The following HSPA12A variants were observed in gnomAD, a reference collection of about 807,000 sequenced individuals.
HSPA12A encodes the protein heat shock protein family A (Hsp70) member 12A.
HSPA12A carries 28 observed loss-of-function variants against 69.2 expected under a neutral mutation model. The observed-to-expected ratio is 0.40, with a 90% confidence interval of 0.30 to 0.55. HSPA12A has a LOEUF of 0.55. Ranked by LOEUF, HSPA12A falls within the 20% of genes least tolerant of loss-of-function variation. The probability of loss-of-function intolerance (pLI) is 0.38; values close to 1 mark genes in which losing one functional copy is unlikely to be tolerated. For missense variants in HSPA12A, 686 were observed against 900.7 expected (o/e 0.76, Z 3.05); for synonymous variants, 345 against 370.5 (o/e 0.93, Z 0.79).
intron 6 of HSPA12A, among the ~76,000 whole-genome samples, chr10:116,685,717 G>A (rs558380329): frequency 6.6e-6 from 1 of 151,986 alleles, no homozygotes; most frequent in Non-Finnish European, 1.5e-5. Context: ...AGAGAGGGAG[G>A]GTGGCCCACT....
rs189619789 is a variant in HSPA12A at position 116,682,460 on chromosome 10, G to A, written c.836-583C>T. Among the ~76,000 whole-genome samples the A allele has an allele frequency of 5.3e-5, 8 of 150,846 alleles. No individual in the cohort carries two copies. In the South Asian group the frequency reaches 6.3e-4, roughly 12 times the overall value. Reference sequence around the variant, plus strand: ...TGCACCCTGGGTAAATAGACTGGGGGGGGGGGCCATTTCCTGACCCAGCTG... The same window carrying A: ...TGCACCCTGGGTAAATAGACTGGGGAGGGGGGCCATTTCCTGACCCAGCTG... On this transcript the variant is annotated intron_variant, in intron 7 of 11. Coordinates refer to ENST00000369209, the MANE Select transcript of HSPA12A (RefSeq NM_025015.3).
chr10:116,801,524 A>G (rs1322271343), intron 2 of HSPA12A, among the ~76,000 whole-genome samples: 1 of 152,130 alleles, frequency 6.6e-6, no homozygotes, highest in Non-Finnish European at 1.5e-5. Context: ...GCATCTGGTC[A>G]CCTCACACTG....
At chr10:116,745,058 C>G (rs1390387079), upstream of HSPA12A, among the ~76,000 whole-genome samples, 1 of 152,178 alleles carries the variant, frequency 6.6e-6, no homozygotes, top group Non-Finnish European at 1.5e-5. Flanking sequence ...GTCACTCCCC[C>G]GGACACATCC....
At chr10:116,839,850 C>T (rs1030134543) in intron 1 of HSPA12A, among the ~76,000 whole-genome samples, 1 of 151,624 alleles carries the variant, frequency 6.6e-6, no homozygotes, top group African/African-American at 2.4e-5. Flanking sequence ...AGGGTACAGA[C>T]GTGTGTGCAA....
intron 2 of HSPA12A, among the ~76,000 whole-genome samples, chr10:116,804,620 T>C (rs2133173433): frequency 6.6e-6 from 1 of 152,284 alleles, no homozygotes; most frequent in Non-Finnish European, 1.5e-5. Context: ...TCCTGCGTGT[T>C]CCTACGCAAC....
intron 10 of HSPA12A, 84 bp from the exon 11 acceptor site, chr10:116,676,586 A>C (rs1210695159): frequency 5.6e-6 from 6 of 1,072,014 alleles, no homozygotes; most frequent in Non-Finnish European, 8.5e-6. Flanking sequence ...CTGCCCTGGC[A>C]GAACATCTGT....
chr10:116,780,713 A>G (rs2133134766), intron 2 of HSPA12A, among the ~76,000 whole-genome samples: 2 of 152,306 alleles, frequency 1.3e-5, no homozygotes, highest in East Asian at 3.9e-4. Context: ...TCTTCATTAA[A>G]ACATTGAATA....
intron 2 of HSPA12A, among the ~76,000 whole-genome samples, chr10:116,803,034 T>G (rs1637553): frequency 0.82 from 125,587 of 152,256 alleles, 53,700 homozygotes; most frequent in Non-Finnish European, 0.93. Context: ...TAAAGCATGT[T>G]TGGAGTAAGC....
upstream of HSPA12A, chr10:116,742,671 T>G: frequency 1.1e-6 from 1 of 912,114 alleles, no homozygotes; most frequent in South Asian, 5.1e-5. Context: ...CCCTCCGAGC[T>G]CGGGCCGGCC....
At chr10:116,704,866 C>T (rs542993202) in intron 3 of HSPA12A, among the ~76,000 whole-genome samples, 1 of 152,318 alleles carries the variant, frequency 6.6e-6, no homozygotes, top group South Asian at 2.1e-4. Context: ...CTGCGCCTCT[C>T]ACCCAGGCCA....
rs1849490021 is a variant in HSPA12A at position 116,683,783 on chromosome 10, A to C, written c.835+8T>G. ...AGAGCAGGAGGGGGAGAGAGAGAGC[A>C]GAGGTACCCTGTGTAAACCCAGCTC... On this transcript the variant is annotated splice_region_variant and intron_variant, in intron 7 of 11. Transcript: ENST00000369209. 1 of 1,530,324 alleles carries C rather than the reference A, an allele frequency of 6.5e-7. No individual in the cohort carries two copies. The highest frequency in any genetic ancestry group is 8.9e-7 in the Non-Finnish European group (1 of 1,121,834). 94.8% of individuals were successfully genotyped at this position (1,530,324 alleles called of 1,614,324 possible). A position where few individuals can be genotyped will look rare whatever the true frequency, so the allele number is the denominator to read the frequency against.
chr10:116,752,746 T>C (rs1353595596), intron 2 of HSPA12A, among the ~76,000 whole-genome samples: 1 of 152,242 alleles, frequency 6.6e-6, no homozygotes, highest in Non-Finnish European at 1.5e-5. Flanking sequence ...GTGACTCATC[T>C]ACCCTCTCTG....
intron 1 of HSPA12A, among the ~76,000 whole-genome samples, chr10:116,711,340 A>G (rs1342981768): frequency 6.6e-6 from 1 of 152,204 alleles, no homozygotes; most frequent in Non-Finnish European, 1.5e-5. Flanking sequence ...CCTCGACACA[A>G]ATAGAGTTTC....
At chr10:116,748,737 A>G (rs1554888027) in intron 2 of HSPA12A, among the ~76,000 whole-genome samples, 1 of 152,150 alleles carries the variant, frequency 6.6e-6, no homozygotes, top group Non-Finnish European at 1.5e-5. Context: ...TTATAAAACC[A>G]TCAGATTTCA....
chr10:116,693,293 A>C (rs1564781398), intron 5 of HSPA12A, among the ~76,000 whole-genome samples: 2 of 152,218 alleles, frequency 1.3e-5, no homozygotes, highest in Non-Finnish European at 2.9e-5. Context: ...AAACGACATC[A>C]CTGAGGCCCA....
chr10:116,743,122 G>A (rs543956583), upstream of HSPA12A, among the ~76,000 whole-genome samples: 423 of 152,182 alleles, frequency 2.8e-3, 3 homozygotes, highest in African/African-American at 9.6e-3. Context: ...CCGGGGCACC[G>A]CCTCCAGGCC....
chr10:116,847,775 C>T (rs1186373094), intron 1 of HSPA12A, among the ~76,000 whole-genome samples: 2 of 152,104 alleles, frequency 1.3e-5, no homozygotes, highest in Non-Finnish European at 2.9e-5. Flanking sequence ...GGAACTGAGG[C>T]AAATGGGTTA....
chr10:116,807,723 T>C (rs1419194427), intron 2 of HSPA12A, among the ~76,000 whole-genome samples: 1 of 152,190 alleles, frequency 6.6e-6, no homozygotes, highest in Non-Finnish European at 1.5e-5. Context: ...ACCGTGAGTC[T>C]GGAGCAGAGC....
At chr10:116,757,866 T>C (rs1359831577) in intron 2 of HSPA12A, among the ~76,000 whole-genome samples, 4 of 152,186 alleles carry the variant, frequency 2.6e-5, no homozygotes, top group East Asian at 1.9e-4. Flanking sequence ...TCCAGATAAA[T>C]ACAAATCCCA....
Sources: gnomAD v4.1 joint callset for allele counts (sites outside exome capture counted in the v4.1 genomes callset) on GRCh38, gnomAD v4.1.1 for gene constraint, MANE v1.5 for transcripts, NCBI Gene and HGNC (gene_info 2026-07-23, HGNC 2026-07-21) for gene names.